ARHGAP12: variants seen among roughly 807,000 people sequenced by gnomAD.
ARHGAP12 encodes the protein rho GTPase-activating protein 12.
Under a neutral mutation model 108.6 loss-of-function variants are expected in ARHGAP12, and 64 were observed. The observed-to-expected ratio is 0.59, with a 90% CI of 0.48 to 0.73. The LOEUF (loss-of-function observed/expected upper bound fraction) is 0.73. Among genes scored for constraint, ARHGAP12 ranks in the 30% least tolerant of loss-of-function variants. The pLI is 0.00. For missense variants in ARHGAP12, 940 were observed against 1,005.9 expected (o/e 0.93, Z 0.89); for synonymous variants, 312 against 337.2 (o/e 0.93, Z 0.82).
intron 1 of ARHGAP12, among the ~76,000 whole-genome samples, chr10:31,924,535 T>C (rs979176753): frequency 1.3e-5 from 2 of 152,242 alleles, no homozygotes; most frequent in African/African-American, 4.8e-5. Flanking sequence ...ATTAATGCTT[T>C]TGAGATTCAC....
At chr10:31,820,223 A>G (rs1364942671) in intron 12 of ARHGAP12, among the ~76,000 whole-genome samples, 164 bp downstream of exon 12, 1 of 152,236 alleles carries the variant, frequency 6.6e-6, no homozygotes, top group Non-Finnish European at 1.5e-5. Flanking sequence ...AAATAAAGCC[A>G]GTTTTTACAC....
At chr10:31,869,486 A>C (rs1292327619) in intron 3 of ARHGAP12, among the ~76,000 whole-genome samples, 2 of 152,030 alleles carry the variant, frequency 1.3e-5, no homozygotes, top group Non-Finnish European at 2.9e-5. Flanking sequence ...GCAGTGAGCC[A>C]AGACTACACC....
intron 11 of ARHGAP12, among the ~76,000 whole-genome samples, chr10:31,825,304 A>G (rs1564372576): frequency 6.6e-6 from 1 of 152,164 alleles, no homozygotes; most frequent in Non-Finnish European, 1.5e-5. Flanking sequence ...CTTTTCTTTC[A>G]TCAAACATAA....
At chr10:31,906,609 G>A (rs1280263590) in intron 3 of ARHGAP12, among the ~76,000 whole-genome samples, 1 of 152,160 alleles carries the variant, frequency 6.6e-6, no homozygotes, top group East Asian at 1.9e-4. Context: ...ACAGAGAACT[G>A]AGTAAAATGA....
chr10:31,868,845 C>T (rs1168621512), intron 3 of ARHGAP12, among the ~76,000 whole-genome samples: 1 of 151,904 alleles, frequency 6.6e-6, no homozygotes, highest in Non-Finnish European at 1.5e-5. Flanking sequence ...GAGAGGATGA[C>T]TTGAGCCCAG....
chr10:31,928,149 G>C (rs936302742), intron 1 of ARHGAP12, among the ~76,000 whole-genome samples: 11 of 151,814 alleles, frequency 7.2e-5, no homozygotes, highest in Non-Finnish European at 1.3e-4. Flanking sequence ...CCCAGGGCGC[G>C]GGAGGGGCCG....
chr10:31,826,562 C>T (rs1835618624), intron 10 of ARHGAP12, among the ~76,000 whole-genome samples, 177 bp from the exon 11 acceptor site: 1 of 152,074 alleles, frequency 6.6e-6, no homozygotes, highest in Non-Finnish European at 1.5e-5. Flanking sequence ...TTTTATGGTT[C>T]AAACCTGATC....
chr10:31,843,477 A>C lies in ARHGAP12; in HGVS notation c.1280T>G (p.Leu427Trp), dbSNP rs1836340517. The change falls in exon 7 of 20, where the codon TTG (leucine) becomes TGG (tryptophan). Residue 427 changes from leucine (L) to tryptophan (W), a missense_variant. Coordinates refer to ENST00000344936, the MANE Select transcript of ARHGAP12 (RefSeq NM_018287.7). ...CAGTCCTACCTTATCATTAGTGTCC[A>C]ATACAATGGTGCTATGTCTCCACTT... The part of the protein sequence containing the change: ...LTKWRHSTIV[L>W]DTNDKESPTA... 1 of 1,612,950 alleles carries C rather than the reference A, an allele frequency of 6.2e-7. No individual in the cohort carries two copies. Among genetic ancestry groups the C allele is most frequent in the Non-Finnish European group, 8.5e-7 (1 of 1,179,500 alleles).
Position 31,876,387 on chromosome 10 carries a change from C to A in ARHGAP12, c.685-14729G>T, listed in dbSNP as rs1477456818. On this transcript the variant is annotated intron_variant, in intron 3 of 19. Coordinates refer to ENST00000344936, the MANE Select transcript of ARHGAP12 (RefSeq NM_018287.7). Reference sequence around the variant, plus strand: ...TTTAAAAATTAGCTGGGTGTGGTGGCACACACCTGTAATCCCAGCTATTGA... The same window carrying A: ...TTTAAAAATTAGCTGGGTGTGGTGGAACACACCTGTAATCCCAGCTATTGA... Among the ~76,000 whole-genome samples the A allele has an allele frequency of 7.2e-5, 11 of 152,154 alleles. 1 individual carries two copies. The highest frequency in any genetic ancestry group is 2.6e-4 in the African/African-American group (11 of 41,522).
intron 6 of ARHGAP12, among the ~76,000 whole-genome samples, chr10:31,847,969 G>T (rs1049942031): frequency 2.6e-5 from 4 of 152,130 alleles, no homozygotes; most frequent in African/African-American, 9.7e-5. Context: ...TTCTGGGTTG[G>T]CTAAAAACTG....
At chr10:31,810,183 C>T (rs530132936) in intron 16 of ARHGAP12, among the ~76,000 whole-genome samples, 14 of 152,040 alleles carry the variant, frequency 9.2e-5, no homozygotes, top group Non-Finnish European at 1.8e-4. Flanking sequence ...TTAGTTTGTC[C>T]TATTTTACAG....
intron 11 of ARHGAP12, among the ~76,000 whole-genome samples, chr10:31,824,461 G>A (rs181971669): frequency 1.1e-4 from 17 of 151,974 alleles, no homozygotes; most frequent in Admixed American, 2.0e-4. Context: ...ACTATGTTTC[G>A]GCTATTGCCA....
rs146083108 is a variant in ARHGAP12 at position 31,861,571 on chromosome 10, G to C, written c.772C>G (p.Pro258Ala). 1 of 1,614,146 alleles carries C rather than the reference G, an allele frequency of 6.2e-7. No individual in the cohort carries two copies. The highest frequency in any genetic ancestry group is 8.5e-7 in the Non-Finnish European group (1 of 1,180,030). ...ELKISQSALP[P>A]LPGSPAIQIN... ...TGAATTGCCGGGCTCCCAGGAAGTG[G>C]GGGAAGAGCAGACTGGGATATTTTC... The change falls in exon 4 of 20, where the codon CCA (proline) becomes GCA (alanine). Residue 258 changes from proline (P) to alanine (A), a missense_variant. Pro to Ala is a conservative substitution (Grantham distance 27). Coordinates refer to ENST00000344936, the MANE Select transcript of ARHGAP12 (RefSeq NM_018287.7).
intron 3 of ARHGAP12, among the ~76,000 whole-genome samples, chr10:31,888,170 G>A (rs935433724): frequency 1.3e-5 from 2 of 152,126 alleles, no homozygotes; most frequent in African/African-American, 4.8e-5. Flanking sequence ...AAGAGGATAT[G>A]ACAGACAACT....
At chr10:31,901,046 G>A (rs1398781061) in intron 3 of ARHGAP12, among the ~76,000 whole-genome samples, 10 of 149,768 alleles carry the variant, frequency 6.7e-5, no homozygotes, top group African/African-American at 1.2e-4. Context: ...GCAAAACCCC[G>A]TCTCTACTAA....
At chr10:31,900,096 C>A (rs759554114) in intron 3 of ARHGAP12, among the ~76,000 whole-genome samples, 6 of 151,990 alleles carry the variant, frequency 3.9e-5, no homozygotes, top group Non-Finnish European at 7.4e-5. Context: ...ATAAAGATGG[C>A]AAATAATAAG....
chr10:31,819,760 C>A (rs529849935), intron 12 of ARHGAP12, among the ~76,000 whole-genome samples: 2 of 152,090 alleles, frequency 1.3e-5, no homozygotes, highest in South Asian at 4.1e-4. Flanking sequence ...AGCCACTAGA[C>A]GACTGAAGCC....
rs530172852 is a variant in ARHGAP12, at chr10:31,922,315, C to T, written c.-111+6368G>A. ...AAAAAGGTAACCAGAGACATAACTA[C>T]AGATCCTGAAGACATCAAAAGGAAA... On this transcript the variant is annotated intron_variant, in intron 1 of 19. Coordinates refer to ENST00000344936, the MANE Select transcript of ARHGAP12 (RefSeq NM_018287.7). 2.7e-5 allele frequency among the ~76,000 whole-genome samples: 4 copies of T among 150,050 alleles called. No homozygotes were observed. The Admixed American group carries it at 2.7e-4, about 10-fold the overall frequency.
intron 3 of ARHGAP12, among the ~76,000 whole-genome samples, chr10:31,898,697 A>G (rs192431238): frequency 6.6e-6 from 1 of 152,350 alleles, no homozygotes; most frequent in East Asian, 1.9e-4. Context: ...GCACTGTGTT[A>G]TAACTGCCTA....
Sources: allele counts gnomAD v4.1 joint callset (sites outside exome capture counted in the v4.1 genomes callset), GRCh38; gene constraint gnomAD v4.1.1; transcripts MANE v1.5; gene names NCBI Gene and HGNC (gene_info 2026-07-23, HGNC 2026-07-21).